Variants in MOCS2 observed in about 807,000 individuals in gnomAD.
MOCS2 encodes molybdopterin synthase catalytic subunit.
In MOCS2, 13 loss-of-function variants were observed where a neutral mutation model predicts 21.9. The ratio of observed to expected loss-of-function variants is 0.59; its 90% CI spans 0.39 to 0.94. The LOEUF (loss-of-function observed/expected upper bound fraction) is 0.94. MOCS2 is among the 40% of genes least tolerant of loss of function. MOCS2 has a pLI of 0.00. For synonymous variants in MOCS2, 92 were observed against 80.8 expected, an observed-to-expected ratio of 1.14 and a Z score of -0.74; for missense variants, 227 against 218.3, an observed-to-expected ratio of 1.04 and a Z score of -0.25.
In MOCS2 at chr5:53,108,522, C is replaced by T; in HGVS notation, c.-48G>A. The T allele has an allele frequency of 6.2e-7, 1 of 1,612,584 alleles. No homozygotes were observed. The highest frequency in any genetic ancestry group is 8.5e-7 in the Non-Finnish European group (1 of 1,179,378). ...ATGCATTCTACAAATTTTTAACTAC[C>T]CAGGATGTCGAGTTTCTATCTCCTT... On this transcript the variant is annotated splice_region_variant and 5_prime_UTR_variant, in exon 2 of 7. Transcript: ENST00000396954.
rs755362810 is a variant in MOCS2, at chr5:53,101,455, G to A, written c.281C>T (p.Ala94Val). The change falls in exon 5 of 7, where the codon GCA becomes GTA. Residue 94 changes from alanine (A) to valine (V), a missense_variant. Transcript: ENST00000396954. Reference protein sequence around the residue: ...GKKVISLEYEAYLPMAENEVR... With the variant: ...GKKVISLEYEVYLPMAENEVR... ...TTCATTTTCCGCCATGGGTAGATAT[G>A]CTTCATATTCTAAGCTAATGACTTT... The A allele has an allele frequency of 2.5e-6, 4 of 1,612,238 alleles. No homozygotes were observed. In the South Asian group the frequency reaches 3.3e-5, roughly 13 times the overall value.
At chr5:53,106,119 T>C (rs767390055) in intron 3 of MOCS2, among the ~76,000 whole-genome samples, 2 of 151,746 alleles carry the variant, frequency 1.3e-5, no homozygotes, top group Non-Finnish European at 2.9e-5. Context: ...CTGCAGGGAG[T>C]GTAAATTAGT....
In MOCS2 at chr5:53,095,943, G is replaced by C. The variant is rs1365030040; in HGVS notation, c.*2659C>G. On this transcript the variant is annotated 3_prime_UTR_variant, in exon 7 of 7. Transcript: ENST00000396954. ...TTTTTAAGGTGTCAATTAAAGATTG[G>C]ACATCATCTTACATAAAATCAGGGC... The C allele has an allele frequency of 6.6e-6, 1 of 152,036 alleles. No individual in the cohort carries two copies. Among genetic ancestry groups the C allele is most frequent in the East Asian group, 1.9e-4 (1 of 5,198 alleles). The allele number at this position is 152,036 out of a possible 1,614,324, so 9.4% of individuals were successfully genotyped here. A position where few individuals can be genotyped will look rare whatever the true frequency, so the allele number is the denominator to read the frequency against.
rs373646855 is a variant in MOCS2 at position 53,107,539 on chromosome 5, T to A, written c.-47-318A>T. ...ACCAGGTCAAAAGAAAAGTTTCCAA[T>A]CAGTACATGGCCTTTCCAGGGTCCT... On this transcript the variant is annotated intron_variant, in intron 2 of 6. Coordinates refer to ENST00000396954, the MANE Select transcript of MOCS2 (RefSeq NM_004531.5). The A allele has an allele frequency of 6.4e-4, 226 of 355,790 alleles. 6 individuals carry two copies. The highest frequency in any genetic ancestry group is 6.2e-3 in the South Asian group (224 of 36,130). 22.0% of individuals were successfully genotyped at this position (355,790 alleles called of 1,614,324 possible).
chr5:53,107,039 C>T (rs1262865784), intron 3 of MOCS2, 38 bp downstream of exon 3: 5 of 1,611,108 alleles, frequency 3.1e-6, no homozygotes, highest in Non-Finnish European at 4.2e-6. Flanking sequence ...TATGATCCTT[C>T]CCCACACGAC....
intron 2 of MOCS2, 172 bp from the exon 3 acceptor site, chr5:53,107,393 A>G (rs1579936563): frequency 3.3e-6 from 2 of 615,378 alleles, no homozygotes; most frequent in Non-Finnish European, 5.6e-6. Context: ...TGAAGAACAT[A>G]CTTATACACC....
In MOCS2 at chr5:53,100,535, C is replaced by T; in HGVS notation, c.378-1G>A. 1 of 1,613,310 alleles carries T rather than the reference C, an allele frequency of 6.2e-7. No individual in the cohort carries two copies. Among genetic ancestry groups the T allele is most frequent in the Non-Finnish European group, 8.5e-7 (1 of 1,179,616 alleles). ...GCTTGCTTCTGACACTGGAACCAAG[C>T]TTTAACAAGATGAAGAGAAAAAAAA... On this transcript the variant is annotated splice_acceptor_variant, in intron 5 of 6. Transcript: ENST00000396954. LOFTEE classifies it high-confidence loss of function.
In MOCS2 at chr5:53,108,651, TAAAGA is replaced by T. The variant is rs1334604930; in HGVS notation, c.-169-13_-169-9del. On this transcript the variant is annotated splice_polypyrimidine_tract_variant and intron_variant, in intron 1 of 6. Coordinates refer to ENST00000396954, the MANE Select transcript of MOCS2 (RefSeq NM_004531.5). ...AAAATACAATACTTCAACCTGAAAGTAAAGAAAATGCTTTTAATAACAACTCATAC... is the reference window on the plus strand; with the variant it reads ...AAAATACAATACTTCAACCTGAAAGTAAATGCTTTTAATAACAACTCATAC... 6.8e-6 allele frequency: 11 copies of T among 1,611,238 alleles called. No homozygotes were observed. Among genetic ancestry groups the T allele is most frequent in the Non-Finnish European group, 9.3e-6 (11 of 1,179,062 alleles).
In MOCS2 at chr5:53,096,339, TAAA is replaced by T. The variant is rs1031187776; in HGVS notation, c.*2260_*2262del. ...TGCTGTTACTTTCATTCAAAGATGA[TAAA>T]AATCAATTTCATTTTACCACCTGTT... On this transcript the variant is annotated 3_prime_UTR_variant, in exon 7 of 7. Coordinates refer to ENST00000396954, the MANE Select transcript of MOCS2 (RefSeq NM_004531.5). 4 of 152,238 alleles carry T rather than the reference TAAA, an allele frequency of 2.6e-5. No homozygotes were observed. The highest frequency in any genetic ancestry group is 7.2e-5 in the African/African-American group (3 of 41,476). The allele number at this position is 152,238 out of a possible 1,614,324, so 9.4% of individuals were successfully genotyped here.
Position 53,100,582 on chromosome 5 carries a change from A to G in MOCS2, c.378-48T>C. On this transcript the variant is annotated intron_variant, in intron 5 of 6. Coordinates refer to ENST00000396954, the MANE Select transcript of MOCS2 (RefSeq NM_004531.5). ...AAAAATCACCATCATCTCTGAATCT[A>G]CGTGTTAAAGAATCTGCTAGACAGA... The G allele has an allele frequency of 2.5e-6, 4 of 1,604,624 alleles. No homozygotes were observed. In the South Asian group the frequency reaches 4.4e-5, roughly 18 times the overall value.
rs968382538 is a variant in MOCS2 at position 53,097,113 on chromosome 5, A to G, written c.*1489T>C. 1 of 152,280 alleles carries G rather than the reference A, an allele frequency of 6.6e-6. No homozygotes were observed. Among genetic ancestry groups the G allele is most frequent in the Admixed American group, 6.5e-5 (1 of 15,284 alleles). 9.4% of individuals were successfully genotyped at this position (152,280 alleles called of 1,614,324 possible). On this transcript the variant is annotated 3_prime_UTR_variant, in exon 7 of 7. Transcript: ENST00000396954. ...GAACTGTGAAGGTAAGGCTGAGACCAAACAGGCAACCCGAACCCGGCAGAG... is the reference window on the plus strand; with the variant it reads ...GAACTGTGAAGGTAAGGCTGAGACCGAACAGGCAACCCGAACCCGGCAGAG...
chr5:53,106,976 C>T (rs957584093), intron 3 of MOCS2, 101 bp downstream of exon 3: 4 of 1,336,832 alleles, frequency 3.0e-6, no homozygotes, highest in Non-Finnish European at 4.2e-6. Context: ...TTGGTACAGA[C>T]AGACTTACAA....
At chr5:53,106,164 T>C (rs1387830814) in intron 3 of MOCS2, among the ~76,000 whole-genome samples, 1 of 151,794 alleles carries the variant, frequency 6.6e-6, no homozygotes, top group Non-Finnish European at 1.5e-5. Flanking sequence ...GCCTAGAGAC[T>C]GAAATACCAC....
chr5:53,106,708 TATTAGCTATGTG>T (rs1380184776), intron 3 of MOCS2, among the ~76,000 whole-genome samples: 1 of 152,210 alleles, frequency 6.6e-6, no homozygotes, highest in Non-Finnish European at 1.5e-5. Flanking sequence ...CTCTTTCACT[TATTAGCTATGTG>T]ATTAGCTATG....
chr5:53,100,323 A>C, intron 6 of MOCS2, 88 bp downstream of exon 6: 1 of 1,456,906 alleles, frequency 6.9e-7, no homozygotes, highest in South Asian at 1.1e-5. Flanking sequence ...ACAGTCAGTA[A>C]AAAGTCCATA....
Position 53,096,246 on chromosome 5 carries a change from T to C in MOCS2, c.*2356A>G, listed in dbSNP as rs1184323141. 1 of 152,230 alleles carries C rather than the reference T, an allele frequency of 6.6e-6. No homozygotes were observed. The highest frequency in any genetic ancestry group is 6.5e-5 in the Admixed American group (1 of 15,290). The allele number at this position is 152,230 out of a possible 1,614,324, so 9.4% of individuals were successfully genotyped here. On this transcript the variant is annotated 3_prime_UTR_variant, in exon 7 of 7. Coordinates refer to ENST00000396954, the MANE Select transcript of MOCS2 (RefSeq NM_004531.5). ...TATTTCTCAAAAAAGGCTGAAAATA[T>C]ATTGTGACTCTATACATCATATCCA...
chr5:53,097,402 T>C lies in MOCS2; in HGVS notation c.*1200A>G, dbSNP rs1740775858. ...ATAAATGGGTTCCTTAGGTAAAAGA[T>C]GTTTTCACTACATATAACAAATAGG... On this transcript the variant is annotated 3_prime_UTR_variant, in exon 7 of 7. Coordinates refer to ENST00000396954, the MANE Select transcript of MOCS2 (RefSeq NM_004531.5). 6.6e-6 allele frequency: 1 copy of C among 152,208 alleles called. No individual in the cohort carries two copies. The highest frequency in any genetic ancestry group is 1.5e-5 in the Non-Finnish European group (1 of 68,040). 9.4% of individuals were successfully genotyped at this position (152,208 alleles called of 1,614,324 possible). A position where few individuals can be genotyped will look rare whatever the true frequency, so the allele number is the denominator to read the frequency against.
At chr5:53,102,280 C>A (rs1214996973) in intron 3 of MOCS2, 56 bp from the exon 4 acceptor site, 1 of 1,497,864 alleles carries the variant, frequency 6.7e-7, no homozygotes, top group African/African-American at 1.4e-5. Context: ...AAACACTCAA[C>A]AACTTATAGG....
intron 2 of MOCS2, chr5:53,107,442 T>C (rs963188505): frequency 9.4e-6 from 5 of 533,344 alleles, no homozygotes; most frequent in African/African-American, 7.6e-5. Flanking sequence ...CTTTATTGGA[T>C]GTTGTATGCC....
Sources: allele counts gnomAD v4.1 joint callset (sites outside exome capture counted in the v4.1 genomes callset), GRCh38; gene constraint gnomAD v4.1.1; transcripts MANE v1.5; gene names NCBI Gene and HGNC (gene_info 2026-07-23, HGNC 2026-07-21).